UTRN: variants seen among roughly 807,000 people sequenced by gnomAD.
UTRN encodes the protein dystrophin-related protein 1.
In UTRN, 283 loss-of-function variants were observed where a neutral mutation model predicts 463.9. The observed-to-expected ratio is 0.61, with a 90% CI of 0.55 to 0.67. The LOEUF (loss-of-function observed/expected upper bound fraction) is 0.67. Ranked by LOEUF, UTRN falls within the 30% of genes least tolerant of loss-of-function variation. The pLI is 0.00. For synonymous variants in UTRN, 1,442 were observed against 1,431.5 expected, an observed-to-expected ratio of 1.01 and a Z score of -0.17; for missense variants, 3,922 against 4,084.3, an observed-to-expected ratio of 0.96 and a Z score of 1.08.
chr6:144,499,009 A>G (rs1793933740), intron 33 of UTRN, among the ~76,000 whole-genome samples: 1 of 152,112 alleles, frequency 6.6e-6, no homozygotes, highest in Non-Finnish European at 1.5e-5. Context: ...CTCTGCCAGT[A>G]TCACTTAGGA....
rs567683069 is a variant in UTRN, at chr6:144,695,623, G to A, written c.7653-4464G>A. On this transcript the variant is annotated intron_variant, in intron 52 of 74. Coordinates refer to ENST00000367545, the MANE Select transcript of UTRN (RefSeq NM_007124.3). ...CTCCCAAAGTGCTGGGATTACAGGC[G>A]TGAGCCACTGCGCTCAGCCTAAACT... Among the ~76,000 whole-genome samples the A allele has an allele frequency of 2.0e-4, 31 of 152,324 alleles. No homozygotes were observed. The South Asian group carries it at 6.2e-3, about 31-fold the overall frequency.
chr6:144,678,782 A>AG (rs2128683749), intron 52 of UTRN, among the ~76,000 whole-genome samples: 1 of 152,298 alleles, frequency 6.6e-6, no homozygotes, highest in South Asian at 2.1e-4. Flanking sequence ...CACCTGTTCT[A>AG]GACTATTCAT....
At position 144,746,840 on chromosome 6, in the gene UTRN, A is replaced by G. The variant is rs73593824; in HGVS notation, c.7940-1406A>G. On this transcript the variant is annotated intron_variant, in intron 54 of 74. Coordinates refer to ENST00000367545, the MANE Select transcript of UTRN (RefSeq NM_007124.3). ...ATATTCAGCCTATCTACCAGTTGTG[A>G]TGTTTTCTCTTCTTCCTTCAGTTCA... Among the ~76,000 whole-genome samples the G allele has an allele frequency of 1.6e-3, 245 of 152,228 alleles. 1 individual carries two copies. Among genetic ancestry groups the G allele is most frequent in the African/African-American group, 5.7e-3 (238 of 41,540 alleles).
chr6:144,833,065 C>T (rs1780804318), intron 69 of UTRN, among the ~76,000 whole-genome samples: 1 of 152,128 alleles, frequency 6.6e-6, no homozygotes, highest in Non-Finnish European at 1.5e-5. Flanking sequence ...AGTGATCTGC[C>T]CATCTCGACC....
In UTRN at chr6:144,491,052, G is replaced by A. The variant is rs752296337; in HGVS notation, c.4387G>A (p.Val1463Met). 4 of 1,613,942 alleles carry A rather than the reference G, an allele frequency of 2.5e-6. No homozygotes were observed. Among genetic ancestry groups the A allele is most frequent in the African/African-American group, 1.3e-5 (1 of 75,050 alleles). The change falls in exon 32 of 75, where the codon GTG becomes ATG. Residue 1463 changes from valine to methionine, a missense_variant. This residue lies in a region of UTRN where 2,349 missense variants were observed against 2,303.8 expected (regional missense o/e 1.02). Coordinates refer to ENST00000367545, the MANE Select transcript of UTRN (RefSeq NM_007124.3). Reference protein sequence around the residue: ...GVKAELHVLDVKDVDPDVIQT... With the variant: ...GVKAELHVLDMKDVDPDVIQT... Reference sequence around the variant, plus strand: ...GAAAGCAGAACTTCACGTTCTGGATGTGAAGGACGTAGACCCTGACGTCAT... The same window carrying A: ...GAAAGCAGAACTTCACGTTCTGGATATGAAGGACGTAGACCCTGACGTCAT...
chr6:144,502,489 T>A (rs1174923089), intron 34 of UTRN, among the ~76,000 whole-genome samples: 2 of 152,132 alleles, frequency 1.3e-5, no homozygotes, highest in African/African-American at 4.8e-5. Flanking sequence ...AATTCCCACT[T>A]ATGAGTGAGA....
intron 51 of UTRN, among the ~76,000 whole-genome samples, 164 bp downstream of exon 51, chr6:144,577,452 G>A (rs1801549463): frequency 6.6e-6 from 1 of 152,096 alleles, no homozygotes; most frequent in Non-Finnish European, 1.5e-5. Flanking sequence ...AGCTCTATTA[G>A]ATATTTTTAC....
intron 18 of UTRN, 134 bp from the exon 19 acceptor site, chr6:144,453,648 T>C: frequency 1.6e-6 from 1 of 638,308 alleles, no homozygotes; most frequent in Non-Finnish European, 2.6e-6. Flanking sequence ...TTTTAGTTGC[T>C]ATGATTACGT....
At chr6:144,337,495 G>A (rs1206463090) in intron 2 of UTRN, among the ~76,000 whole-genome samples, 2 of 152,076 alleles carry the variant, frequency 1.3e-5, no homozygotes, top group African/African-American at 4.8e-5. Context: ...AGGTGTCTTT[G>A]TCTGTTTCCA....
At chr6:144,603,119 T>C (rs966374920) in intron 51 of UTRN, among the ~76,000 whole-genome samples, 3 of 152,226 alleles carry the variant, frequency 2.0e-5, no homozygotes, top group Admixed American at 2.0e-4. Flanking sequence ...TAATAGTACT[T>C]TATAAGCATA....
intron 61 of UTRN, among the ~76,000 whole-genome samples, chr6:144,782,637 T>C (rs115450386): frequency 7.4e-6 from 1 of 134,244 alleles, no homozygotes; most frequent in Admixed American, 7.0e-5. Flanking sequence ...TATATATATA[T>C]AATATATATA....
At chr6:144,481,766 C>T (rs1174941410) in intron 26 of UTRN, among the ~76,000 whole-genome samples, 4 of 152,214 alleles carry the variant, frequency 2.6e-5, no homozygotes, top group Non-Finnish European at 5.9e-5. Flanking sequence ...ATTTCAAAAA[C>T]GCTCAACTGG....
intron 34 of UTRN, among the ~76,000 whole-genome samples, chr6:144,507,024 C>G (rs146583483): frequency 1.2e-4 from 18 of 152,048 alleles, no homozygotes; most frequent in African/African-American, 4.3e-4. Context: ...GATCTTCAAT[C>G]TCTGATATGC....
Position 144,521,738 on chromosome 6 carries a change from C to T in UTRN, c.5542-242C>T, listed in dbSNP as rs139173914. On this transcript the variant is annotated intron_variant, in intron 39 of 74. Transcript: ENST00000367545. ...GTTTAGATGGCATAGATCTTAAAGC[C>T]TGTCAAATTAATAACATACTTATAC... Among the ~76,000 whole-genome samples the T allele has an allele frequency of 1.5e-3, 228 of 152,006 alleles. 1 individual carries two copies. Among genetic ancestry groups the T allele is most frequent in the African/African-American group, 5.3e-3 (219 of 41,456 alleles).
chr6:144,566,904 T>C (rs1479197495), intron 50 of UTRN, among the ~76,000 whole-genome samples: 11 of 152,084 alleles, frequency 7.2e-5, no homozygotes, highest in African/African-American at 2.7e-4. Flanking sequence ...TCCAGCACTT[T>C]GGGAGGCTGA....
intron 1 of UTRN, among the ~76,000 whole-genome samples, chr6:144,288,719 A>T (rs1338609224): frequency 6.7e-6 from 1 of 150,070 alleles, no homozygotes; most frequent in Non-Finnish European, 1.5e-5. Context: ...TGTCAGATTG[A>T]TGATCCAATC....
rs184112659 is a variant in UTRN at position 144,496,969 on chromosome 6, G to T, written c.4594-2288G>T. Among the ~76,000 whole-genome samples the T allele has an allele frequency of 7.2e-5, 11 of 152,350 alleles. No homozygotes were observed. The East Asian group carries it at 1.9e-3, about 27-fold the overall frequency. On this transcript the variant is annotated intron_variant, in intron 33 of 74. Transcript: ENST00000367545. ...TATGTGGCTAGAGCAGAGAGAGCCA[G>T]TGTGAGGAACATGGTGCTAGGGAGA...
At chr6:144,319,724 T>C (rs1775510905) in intron 2 of UTRN, among the ~76,000 whole-genome samples, 1 of 152,098 alleles carries the variant, frequency 6.6e-6, no homozygotes, top group Non-Finnish European at 1.5e-5. Context: ...CATGCCACCA[T>C]GCCCAGTTAA....
chr6:144,759,786 C>G (rs1167192668), intron 58 of UTRN, among the ~76,000 whole-genome samples: 1 of 152,080 alleles, frequency 6.6e-6, no homozygotes, highest in African/African-American at 2.4e-5. Flanking sequence ...ATGGGATTCT[C>G]TCTTAGAACC....
Sources: allele counts gnomAD v4.1 joint callset (sites outside exome capture counted in the v4.1 genomes callset), GRCh38; gene constraint gnomAD v4.1.1; regional missense constraint gnomAD v4.1.1; transcripts MANE v1.5; gene names NCBI Gene and HGNC (gene_info 2026-07-23, HGNC 2026-07-21).